Variants in PAN3 observed in about 807,000 individuals in gnomAD.
PAN3 encodes PAN2-PAN3 deadenylation complex subunit PAN3.
Under a neutral mutation model 96.2 loss-of-function variants are expected in PAN3, and 19 were observed. That is an observed-to-expected ratio of 0.20 (90% CI 0.14 to 0.29). The LOEUF is 0.29. Among genes scored for constraint, PAN3 ranks in the 10% least tolerant of loss-of-function variants. The pLI is 1.00. For synonymous variants in PAN3, 433 were observed against 406.6 expected (o/e 1.06, Z -0.78); for missense variants, 882 against 1,108.1 (o/e 0.80, Z 2.90).
In PAN3 at chr13:28,267,168, A is replaced by G. The variant is rs1448319882; in HGVS notation, c.1647A>G (p.Val549=). 1.2e-6 allele frequency: 2 copies of G among 1,613,064 alleles called. No homozygotes were observed. The highest frequency in any genetic ancestry group is 1.1e-5 in the South Asian group (1 of 91,066). ...MWKKIQHSNI[V]TLREVFTTKA... The stretch of plus-strand genomic sequence containing the variant: ...AGAAAATTCAACACTCAAATATCGT[A>G]ACTTTGCGTGAAGTATTTACCACTA... Residue 549 remains valine (V), a synonymous_variant, in exon 11 of 19, where the codon GTA becomes GTG. Transcript: ENST00000380958.
chr13:28,237,195 AT>A (rs5802467), intron 6 of PAN3, among the ~76,000 whole-genome samples: 140,207 of 150,756 alleles, frequency 0.93, 65,266 homozygotes, highest in Admixed American at 0.95. Context: ...AGGTAGACAG[AT>A]TTTTTTTTTT....
intron 10 of PAN3, 42 bp downstream of exon 10, chr13:28,266,918 A>G (rs1341908489): frequency 6.9e-7 from 1 of 1,459,834 alleles, no homozygotes; most frequent in South Asian, 1.5e-5. Context: ...CGTATCATTG[A>G]GGCTAAGATT....
At chr13:28,209,158 T>G (rs1457399709) in intron 5 of PAN3, among the ~76,000 whole-genome samples, 1 of 152,210 alleles carries the variant, frequency 6.6e-6, no homozygotes, top group African/African-American at 2.4e-5. Context: ...CCCCAAATAT[T>G]TTTTATCTGT....
intron 14 of PAN3, among the ~76,000 whole-genome samples, chr13:28,272,492 A>G (rs1464164749): frequency 6.6e-6 from 1 of 150,938 alleles, no homozygotes; most frequent in Non-Finnish European, 1.5e-5. Flanking sequence ...CCCAGGCTGT[A>G]TTTCTTAACC....
chr13:28,188,868 T>C (rs1334351511), intron 4 of PAN3, among the ~76,000 whole-genome samples: 1 of 152,240 alleles, frequency 6.6e-6, no homozygotes, highest in African/African-American at 2.4e-5. Context: ...GGTCTGTTAC[T>C]TAGTAGCTTT....
At chr13:28,154,387 G>GT (rs1427416942) in intron 1 of PAN3, among the ~76,000 whole-genome samples, 7 of 151,828 alleles carry the variant, frequency 4.6e-5, no homozygotes, top group African/African-American at 1.7e-4. Flanking sequence ...GGGATTTTTT[G>GT]GTTTTTTTTT....
At chr13:28,192,944 G>A (rs527574191) in intron 4 of PAN3, among the ~76,000 whole-genome samples, 1 of 151,922 alleles carries the variant, frequency 6.6e-6, no homozygotes, top group African/African-American at 2.4e-5. Flanking sequence ...TTTGTATTTT[G>A]TCGCTTATAA....
chr13:28,165,339 C>G (rs1471058755), intron 1 of PAN3, among the ~76,000 whole-genome samples: 1 of 143,184 alleles, frequency 7.0e-6, no homozygotes, highest in Non-Finnish European at 1.5e-5. Context: ...CAGGGTGGTC[C>G]TGGATTCCTG....
At chr13:28,221,140 A>T (rs1032111983) in intron 6 of PAN3, among the ~76,000 whole-genome samples, 1 of 152,158 alleles carries the variant, frequency 6.6e-6, no homozygotes, top group Non-Finnish European at 1.5e-5. Context: ...ATTTTAGTAT[A>T]AAAATATTTA....
intron 1 of PAN3, among the ~76,000 whole-genome samples, chr13:28,165,514 G>A (rs897299279): frequency 6.6e-6 from 1 of 151,920 alleles, no homozygotes; most frequent in African/African-American, 2.4e-5. Flanking sequence ...TTGTGACTTT[G>A]GGCAAGCTAT....
rs71086844 is a variant in PAN3 at position 28,293,387 on chromosome 13, GTTTTTTTTTTTTTTT to G, written c.*880_*894del. 4.7e-5 allele frequency: 1 copy of G among 21,356 alleles called. No homozygotes were observed. The highest frequency in any genetic ancestry group is 7.7e-5 in the Non-Finnish European group (1 of 12,910). The allele number at this position is 21,356 out of a possible 1,614,324, so 1.3% of individuals were successfully genotyped here. ...ACTTTAGGTTCTTTCCAGTTTGCTG[GTTTTTTTTTTTTTTT>G]TTTTTTTTTTTTTTGGGCGGGGGGG... On this transcript the variant is annotated 3_prime_UTR_variant, in exon 19 of 19. Coordinates refer to ENST00000380958, the MANE Select transcript of PAN3 (RefSeq NM_175854.8).
chr13:28,242,735 T>C (rs1883798595), intron 6 of PAN3, among the ~76,000 whole-genome samples: 1 of 152,176 alleles, frequency 6.6e-6, no homozygotes, highest in Admixed American at 6.5e-5. Flanking sequence ...GCTGTATCAA[T>C]CTTTAGAGAA....
chr13:28,213,142 AAAC>A (rs1880258091), intron 5 of PAN3, among the ~76,000 whole-genome samples: 1 of 152,192 alleles, frequency 6.6e-6, no homozygotes. Context: ...AAAAAAACCC[AAAC>A]ACCAAAAAAA....
chr13:28,286,263 A>G (rs1469471346), intron 17 of PAN3, among the ~76,000 whole-genome samples: 1 of 152,190 alleles, frequency 6.6e-6, no homozygotes, highest in Non-Finnish European at 1.5e-5. Context: ...ACAGAGGGAA[A>G]GCATTTGTTG....
intron 5 of PAN3, among the ~76,000 whole-genome samples, chr13:28,213,881 C>G (rs1211887660): frequency 6.6e-6 from 1 of 152,060 alleles, no homozygotes; most frequent in Non-Finnish European, 1.5e-5. Context: ...CAATGAGATA[C>G]CACTACACAC....
intron 1 of PAN3, among the ~76,000 whole-genome samples, chr13:28,144,823 C>A (rs1009633993): frequency 1.5e-5 from 2 of 130,328 alleles, no homozygotes; most frequent in East Asian, 5.0e-4. Flanking sequence ...CAGGTTCAAG[C>A]GGTTCTCCTG....
intron 6 of PAN3, among the ~76,000 whole-genome samples, chr13:28,237,592 C>T (rs998124390): frequency 6.6e-6 from 1 of 152,118 alleles, no homozygotes; most frequent in East Asian, 1.9e-4. Context: ...TTTACCGGTT[C>T]GGGTTTATTA....
intron 1 of PAN3, among the ~76,000 whole-genome samples, chr13:28,140,335 G>C (rs951511534): frequency 6.6e-6 from 1 of 152,142 alleles, no homozygotes; most frequent in Non-Finnish European, 1.5e-5. Flanking sequence ...TCCCTGTTTT[G>C]TTTCTTAGTA....
chr13:28,212,169 G>A (rs998821973), intron 5 of PAN3, among the ~76,000 whole-genome samples: 1 of 152,160 alleles, frequency 6.6e-6, no homozygotes, highest in Non-Finnish European at 1.5e-5. Flanking sequence ...ATCTATACAT[G>A]GCCAGGAGTA....
Sources: allele counts gnomAD v4.1 joint callset (sites outside exome capture counted in the v4.1 genomes callset), GRCh38; gene constraint gnomAD v4.1.1; transcripts MANE v1.5; gene names NCBI Gene and HGNC (gene_info 2026-07-23, HGNC 2026-07-21).